ARHGAP6: variants seen among roughly 807,000 people sequenced by gnomAD.
The protein encoded by ARHGAP6 is rho GTPase-activating protein 6.
ARHGAP6 carries 16 observed loss-of-function variants against 55.7 expected under a neutral mutation model. The observed-to-expected ratio is 0.29, with a 90% CI of 0.19 to 0.44. The LOEUF is 0.44. ARHGAP6 is among the 20% of genes least tolerant of loss of function. The probability of loss-of-function intolerance (pLI) is 1.00; values close to 1 mark genes in which losing one functional copy is unlikely to be tolerated. For synonymous variants in ARHGAP6, 382 were observed against 360.9 expected (o/e 1.06, Z -0.66); for missense variants, 698 against 808.9 (o/e 0.86, Z 1.66).
At chrX:11,538,572 A>T (rs1247574936) in intron 1 of ARHGAP6, among the ~76,000 whole-genome samples, 1 of 111,523 alleles carries the variant, frequency 9.0e-6, no homozygotes, top group East Asian at 2.8e-4. Flanking sequence ...TTTTTTCTCA[A>T]TTTAATAAAG....
chrX:11,615,647 C>T (rs67365912), intron 1 of ARHGAP6, among the ~76,000 whole-genome samples: 15,944 of 111,511 alleles, frequency 0.14, 1,028 homozygotes, highest in Middle Eastern at 0.24. Context: ...GTAGTCCAAT[C>T]ATTATAAATA....
chrX:11,394,527 T>C (rs2049453092), intron 1 of ARHGAP6, among the ~76,000 whole-genome samples: 1 of 111,468 alleles, frequency 9.0e-6, no homozygotes, highest in Non-Finnish European at 1.9e-5. Context: ...AATTTTATGA[T>C]GTAAAATTAC....
chrX:11,211,010 T>C (rs2046786746), intron 2 of ARHGAP6, among the ~76,000 whole-genome samples: 2 of 112,003 alleles, frequency 1.8e-5, no homozygotes, highest in Middle Eastern at 4.7e-3. Flanking sequence ...TGATATCTAC[T>C]GAAAAGCCGA....
intron 5 of ARHGAP6, among the ~76,000 whole-genome samples, chrX:11,183,525 A>G (rs1261513261): frequency 2.7e-5 from 3 of 112,208 alleles, no homozygotes; most frequent in South Asian, 3.7e-4. Flanking sequence ...AATTTCAACA[A>G]TAGTTCCTTA....
At chrX:11,496,916 G>A (rs761089871) in intron 1 of ARHGAP6, among the ~76,000 whole-genome samples, 3 of 112,188 alleles carry the variant, frequency 2.7e-5, no homozygotes, top group Admixed American at 9.5e-5. Context: ...GCACCAAAGA[G>A]CTGCTTAGTG....
chrX:11,388,990 T>C (rs1208621869), intron 1 of ARHGAP6, among the ~76,000 whole-genome samples: 1 of 111,942 alleles, frequency 8.9e-6, no homozygotes, highest in Admixed American at 9.5e-5. Context: ...TACAGATTCT[T>C]TTTCTGTTTT....
At chrX:11,229,115 A>C (rs1265209573) in intron 2 of ARHGAP6, among the ~76,000 whole-genome samples, 4 of 112,597 alleles carry the variant, frequency 3.6e-5, no homozygotes, top group Non-Finnish European at 7.5e-5. Flanking sequence ...TCTCTAATAA[A>C]AGAAGACAAA....
In ARHGAP6 at chrX:11,476,240, C is replaced by G. The variant is rs1368940916; in HGVS notation, c.588+188001G>C. Among the ~76,000 whole-genome samples, 7 of 111,078 alleles carry G rather than the reference C, an allele frequency of 6.3e-5. No homozygotes were observed. The East Asian group carries it at 1.7e-3, about 27-fold the overall frequency. The stretch of plus-strand genomic sequence containing the variant: ...TTAATATCCAAAACCAACTGAATTT[C>G]TATTTGTAATCAATGAAGGATTGAA... On this transcript the variant is annotated intron_variant, in intron 1 of 12. Coordinates refer to ENST00000337414, the MANE Select transcript of ARHGAP6 (RefSeq NM_013427.3).
chrX:11,573,402 A>G (rs2051553807), intron 1 of ARHGAP6, among the ~76,000 whole-genome samples: 2 of 110,621 alleles, frequency 1.8e-5, no homozygotes, highest in South Asian at 7.8e-4. Context: ...CCTTCTACAT[A>G]TGGCTAGCCA....
intron 2 of ARHGAP6, among the ~76,000 whole-genome samples, chrX:11,220,843 G>C (rs1183541386): frequency 9.2e-6 from 1 of 108,899 alleles, no homozygotes; most frequent in Admixed American, 9.8e-5. Context: ...CTGGCAAATT[G>C]GATAAAGAGT....
intron 1 of ARHGAP6, among the ~76,000 whole-genome samples, chrX:11,312,200 C>T (rs963179719): frequency 8.9e-6 from 1 of 112,048 alleles, no homozygotes; most frequent in Non-Finnish European, 1.9e-5. Context: ...ACACACAACA[C>T]AAACTTCAGA....
chrX:11,447,834 T>C (rs1428674056), intron 1 of ARHGAP6, among the ~76,000 whole-genome samples: 2 of 112,596 alleles, frequency 1.8e-5, no homozygotes, highest in African/African-American at 3.2e-5. Context: ...ACTTAAGGCA[T>C]TGCAATTTTC....
intron 1 of ARHGAP6, among the ~76,000 whole-genome samples, chrX:11,318,302 T>C (rs1856036694): frequency 8.9e-6 from 1 of 112,256 alleles, no homozygotes; most frequent in African/African-American, 3.2e-5. Context: ...TACTGTTTTA[T>C]ATATATACAT....
At chrX:11,226,622 G>A (rs1444091820) in intron 2 of ARHGAP6, among the ~76,000 whole-genome samples, 1 of 111,952 alleles carries the variant, frequency 8.9e-6, no homozygotes. Context: ...ATACATTAAT[G>A]AAGATTTCAT....
intron 3 of ARHGAP6, among the ~76,000 whole-genome samples, chrX:11,190,859 C>A (rs756428739): frequency 8.9e-6 from 1 of 111,944 alleles, no homozygotes; most frequent in Non-Finnish European, 1.9e-5. Context: ...AATTCTGCCT[C>A]CTGTTTCAGG....
chrX:11,661,297 C>T (rs1217621960), intron 1 of ARHGAP6, among the ~76,000 whole-genome samples: 2 of 112,532 alleles, frequency 1.8e-5, no homozygotes, highest in Non-Finnish European at 3.7e-5. Flanking sequence ...ACCATTTACC[C>T]TTTGTCTCCT....
At chrX:11,624,112 A>G (rs1221269413) in intron 1 of ARHGAP6, among the ~76,000 whole-genome samples, 1 of 112,329 alleles carries the variant, frequency 8.9e-6, no homozygotes, top group Non-Finnish European at 1.9e-5. Flanking sequence ...GTACAAAAAC[A>G]TACAATGGGG....
intron 1 of ARHGAP6, among the ~76,000 whole-genome samples, chrX:11,558,836 C>CAAAAAAAAAAAA (rs58936931): frequency 3.3e-5 from 1 of 30,072 alleles, no homozygotes; most frequent in African/African-American, 1.3e-4. Flanking sequence ...GATTCCATCT[C>CAAAAAAAAAAAA]AAAAAAAAAA....
At chrX:11,218,627 C>T (rs143112630) in intron 2 of ARHGAP6, among the ~76,000 whole-genome samples, 93 of 111,475 alleles carry the variant, frequency 8.3e-4, no homozygotes, top group African/African-American at 2.3e-3. Context: ...TTAATTACTG[C>T]CTCAAATTCA....
Sources: allele counts gnomAD v4.1 joint callset (sites outside exome capture counted in the v4.1 genomes callset), GRCh38; gene constraint gnomAD v4.1.1; transcripts MANE v1.5; gene names NCBI Gene and HGNC (gene_info 2026-07-23, HGNC 2026-07-21).